Variants in CSMD1 observed in about 807,000 individuals in gnomAD.
CSMD1 encodes CUB and sushi domain-containing protein 1.
In CSMD1, 213 loss-of-function variants were observed where a neutral mutation model predicts 417.5. The ratio of observed to expected loss-of-function variants is 0.51; its 90% CI spans 0.46 to 0.57. The LOEUF (loss-of-function observed/expected upper bound fraction) is 0.57, where lower values mean the gene tolerates loss of function less well. Among genes scored for constraint, CSMD1 ranks in the 20% least tolerant of loss-of-function variants. The probability of loss-of-function intolerance (pLI) is 0.00; values close to 1 mark genes in which losing one functional copy is unlikely to be tolerated. For missense variants in CSMD1, 6,923 were observed against 4,529.7 expected (o/e 1.53, Z -15.17); for synonymous variants, 2,862 against 1,736.8 (o/e 1.65, Z -16.11).
At chr8:3,691,002 G>A (rs932740663) in intron 7 of CSMD1, among the ~76,000 whole-genome samples, 58 of 152,054 alleles carry the variant, frequency 3.8e-4, no homozygotes, top group African/African-American at 1.1e-3. Flanking sequence ...GAGTGCTGAC[G>A]GGTTTCATCT....
At chr8:4,993,570 C>A (rs1233368513) in intron 1 of CSMD1, among the ~76,000 whole-genome samples, 5 of 152,240 alleles carry the variant, frequency 3.3e-5, no homozygotes, top group Non-Finnish European at 2.9e-5. Flanking sequence ...AGCCCAGGAG[C>A]CACCCAGAGA....
intron 12 of CSMD1, among the ~76,000 whole-genome samples, chr8:3,419,169 G>A (rs1007212042): frequency 2.6e-5 from 4 of 152,186 alleles, no homozygotes; most frequent in African/African-American, 4.8e-5. Context: ...AGCAGGAACT[G>A]AACTTTTTGC....
intron 7 of CSMD1, among the ~76,000 whole-genome samples, chr8:3,678,948 G>C (rs566635261): frequency 1.3e-5 from 2 of 151,994 alleles, no homozygotes; most frequent in South Asian, 4.2e-4. Context: ...AGCTTCATAA[G>C]TGAAGAAATA....
chr8:4,308,579 G>C (rs1164307179), intron 3 of CSMD1, among the ~76,000 whole-genome samples: 3 of 152,178 alleles, frequency 2.0e-5, no homozygotes, highest in Non-Finnish European at 4.4e-5. Context: ...GCTCTTACAG[G>C]AAATGCTCCT....
intron 2 of CSMD1, among the ~76,000 whole-genome samples, chr8:4,505,956 G>A (rs1011004835): frequency 2.2e-4 from 33 of 151,918 alleles, no homozygotes; most frequent in Admixed American, 2.0e-4. Flanking sequence ...ATGTCACCAC[G>A]CCTGGGTAAT....
At chr8:4,051,334 G>C (rs1205260100) in intron 3 of CSMD1, among the ~76,000 whole-genome samples, 4 of 147,452 alleles carry the variant, frequency 2.7e-5, no homozygotes, top group East Asian at 4.0e-4. Context: ...ATATGTACAA[G>C]TAAAGCCAGA....
intron 5 of CSMD1, among the ~76,000 whole-genome samples, chr8:3,893,096 T>C (rs986453069): frequency 6.6e-6 from 1 of 151,834 alleles, no homozygotes; most frequent in Non-Finnish European, 1.5e-5. Flanking sequence ...AGCTTTCTAT[T>C]ATCTCTGCAA....
At chr8:3,227,540 CAACTT>C (rs916581295) in intron 27 of CSMD1, among the ~76,000 whole-genome samples, 7 of 152,192 alleles carry the variant, frequency 4.6e-5, no homozygotes, top group African/African-American at 1.7e-4. Flanking sequence ...AAGGTTAAAA[CAACTT>C]AATTATACAA....
At chr8:4,669,562 C>A (rs995460536) in intron 1 of CSMD1, among the ~76,000 whole-genome samples, 8 of 152,080 alleles carry the variant, frequency 5.3e-5, no homozygotes, top group African/African-American at 1.9e-4. Flanking sequence ...GATTTTTTTA[C>A]CCATCTCCAG....
chr8:4,212,645 C>G (rs923131151), intron 3 of CSMD1, among the ~76,000 whole-genome samples: 7 of 150,598 alleles, frequency 4.6e-5, no homozygotes, highest in Non-Finnish European at 1.0e-4. Context: ...ACCATGTTAT[C>G]AGTAAAGTAC....
At chr8:4,975,321 A>G in intron 1 of CSMD1, among the ~76,000 whole-genome samples, 1 of 152,232 alleles carries the variant, frequency 6.6e-6, no homozygotes, top group Non-Finnish European at 1.5e-5. Context: ...TAGATTATTG[A>G]GTTAAAAGCA....
intron 3 of CSMD1, among the ~76,000 whole-genome samples, chr8:4,365,297 G>C (rs1420395449): frequency 6.6e-6 from 1 of 152,110 alleles, no homozygotes; most frequent in African/African-American, 2.4e-5. Flanking sequence ...ATAAATTTAG[G>C]ATTACACCTG....
intron 3 of CSMD1, among the ~76,000 whole-genome samples, chr8:4,148,185 A>G (rs1367212547): frequency 6.6e-6 from 1 of 152,132 alleles, no homozygotes; most frequent in Non-Finnish European, 1.5e-5. Flanking sequence ...AGCTGGGACC[A>G]CTATAACTAA....
intron 10 of CSMD1, among the ~76,000 whole-genome samples, chr8:3,495,924 C>G (rs1368586084): frequency 6.6e-6 from 1 of 152,064 alleles, no homozygotes. Flanking sequence ...TCCTTAAGTT[C>G]CGGGGTACAT....
intron 2 of CSMD1, among the ~76,000 whole-genome samples, chr8:4,569,692 T>G (rs1798790773): frequency 6.6e-6 from 1 of 152,194 alleles, no homozygotes; most frequent in South Asian, 2.1e-4. Flanking sequence ...CAATGGTAGC[T>G]TGATGGGAAT....
intron 2 of CSMD1, among the ~76,000 whole-genome samples, chr8:4,446,767 G>T (rs199577052): frequency 9.8e-6 from 1 of 101,894 alleles, no homozygotes; most frequent in East Asian, 4.2e-4. Flanking sequence ...GTGTGTGTGT[G>T]TGTGTGTGTG....
At position 4,792,293 on chromosome 8, in the gene CSMD1, T is replaced by C. The variant is rs75927876; in HGVS notation, c.86-154735A>G. Among the ~76,000 whole-genome samples, 925 of 152,232 alleles carry C rather than the reference T, an allele frequency of 6.1e-3. 14 individuals are homozygous for C. The highest frequency in any genetic ancestry group is 0.021 in the African/African-American group (881 of 41,530). ...CATCCTAACTACACCCCTATAAAGG[T>C]GCATGGTCCCTAAGAGTTCTAAAAT... On this transcript the variant is annotated intron_variant, in intron 1 of 69. Coordinates refer to ENST00000635120, the MANE Select transcript of CSMD1 (RefSeq NM_033225.6).
intron 1 of CSMD1, among the ~76,000 whole-genome samples, chr8:4,953,764 G>T (rs1585399013): frequency 6.6e-6 from 1 of 151,998 alleles, no homozygotes. Context: ...TTTCTGCAAG[G>T]CTAATTCTCT....
intron 5 of CSMD1, among the ~76,000 whole-genome samples, chr8:3,876,953 C>A (rs1206818300): frequency 2.0e-5 from 3 of 152,152 alleles, no homozygotes; most frequent in Admixed American, 6.5e-5. Context: ...TATTTAGAAG[C>A]ACAAGAAATA....
Sources: allele counts gnomAD v4.1 joint callset (sites outside exome capture counted in the v4.1 genomes callset), GRCh38; gene constraint gnomAD v4.1.1; transcripts MANE v1.5; gene names NCBI Gene and HGNC (gene_info 2026-07-23, HGNC 2026-07-21).